TUBG2: variants seen among roughly 807,000 people sequenced by gnomAD.
The protein encoded by TUBG2 is tubulin gamma-2 chain.
In TUBG2, 39 loss-of-function variants were observed where a neutral mutation model predicts 55.1. The observed-to-expected ratio is 0.71, with a 90% CI of 0.55 to 0.93. The LOEUF (loss-of-function observed/expected upper bound fraction) is 0.93. Ranked by LOEUF, TUBG2 falls within the 40% of genes least tolerant of loss-of-function variation. The pLI is 0.00. For missense variants in TUBG2, 358 were observed against 599.1 expected (o/e 0.60, Z 4.20); for synonymous variants, 223 against 241.0 (o/e 0.93, Z 0.69).
At chr17:42,662,344 G>T (rs1348949642) in intron 4 of TUBG2, among the ~76,000 whole-genome samples, 2 of 152,100 alleles carry the variant, frequency 1.3e-5, no homozygotes, top group Admixed American at 6.5e-5. Context: ...GGTAGCTCAT[G>T]CTTGTAATCC....
rs985164179 is a variant in TUBG2, at chr17:42,666,813, C to G, written c.*13C>G. 3.1e-6 allele frequency: 5 copies of G among 1,613,804 alleles called. No homozygotes were observed. Among genetic ancestry groups the G allele is most frequent in the Non-Finnish European group, 3.4e-6 (4 of 1,179,874 alleles). ...CCAGGAGCAGTGATTTCCCTCCCCA[C>G]TACTCCTTCTCCTTCTAGATGGTAA... On this transcript the variant is annotated 3_prime_UTR_variant, in exon 11 of 11. Transcript: ENST00000251412.
Position 42,662,945 on chromosome 17 carries a change from G to A in TUBG2, c.400-28G>A, listed in dbSNP as rs2052423048. On this transcript the variant is annotated intron_variant, in intron 4 of 10. Coordinates refer to ENST00000251412, the MANE Select transcript of TUBG2 (RefSeq NM_016437.3). ...TTGTGAGAGTGTGGCAGGAGAAACT[G>A]AGTCTGTTTATTCCTGTATACACAC... 2.5e-6 allele frequency: 4 copies of A among 1,606,876 alleles called. No individual in the cohort carries two copies. The African/African-American group carries it at 4.0e-5, about 16-fold the overall frequency.
chr17:42,666,193 A>C lies in TUBG2; in HGVS notation c.950A>C (p.Tyr317Ser). 1.2e-6 allele frequency: 2 copies of C among 1,613,952 alleles called. No homozygotes were observed. The change falls in exon 9 of 11, where the codon TAC becomes TCC. Residue 317 changes from tyrosine to serine, a missense_variant. Tyr to Ser is a moderately radical substitution (Grantham distance 144). This residue lies in a region of TUBG2 where 129 missense variants were observed against 251.6 expected (regional missense o/e 0.51). Coordinates refer to ENST00000251412, the MANE Select transcript of TUBG2 (RefSeq NM_016437.3). Reference protein sequence around the residue: ...TGRDRQTNHCYIAILNIIQGE... With the variant: ...TGRDRQTNHCSIAILNIIQGE... ...CGAGACCGCCAGACCAACCACTGCTACATCGCCATCCTCAACATCATCCAG... is the reference window on the plus strand; with the variant it reads ...CGAGACCGCCAGACCAACCACTGCTCCATCGCCATCCTCAACATCATCCAG...
Position 42,666,788 on chromosome 17 carries a change from C to T in TUBG2, c.1344C>T (p.Thr448=), listed in dbSNP as rs1166461270. 6.2e-7 allele frequency: 1 copy of T among 1,613,898 alleles called. No individual in the cohort carries two copies. The highest frequency in any genetic ancestry group is 2.2e-5 in the East Asian group (1 of 44,880). ...AGCCAGACTACATTTCCTGGGGCAC[C>T]CAGGAGCAGTGATTTCCCTCCCCAC... ...ATQPDYISWG[T]QEQ Residue 448 remains threonine (T), a synonymous_variant, in exon 11 of 11, where the codon ACC becomes ACT. Transcript: ENST00000251412.
At chr17:42,659,715 C>A in intron 1 of TUBG2, 119 bp from the exon 2 acceptor site, 1 of 1,411,994 alleles carries the variant, frequency 7.1e-7, no homozygotes, top group Non-Finnish European at 9.7e-7. Context: ...GGGGCTGGGG[C>A]AGCTACCAAA....
In TUBG2 at chr17:42,663,506, G is replaced by A. The variant is rs1366475703; in HGVS notation, c.606+3G>A. The A allele has an allele frequency of 6.2e-7, 1 of 1,613,802 alleles. No individual in the cohort carries two copies. The highest frequency in any genetic ancestry group is 1.1e-5 in the South Asian group (1 of 91,072). ...TGACGCAGAACGCAGATTGTGTGGT[G>A]AGCAAAGAAAGAGTTGAGGGGCTGG... is the stretch of plus-strand genomic sequence containing the variant. On this transcript the variant is annotated splice_donor_region_variant and intron_variant, in intron 6 of 10. Coordinates refer to ENST00000251412, the MANE Select transcript of TUBG2 (RefSeq NM_016437.3).
At position 42,665,680 on chromosome 17, in the gene TUBG2, G is replaced by T; in HGVS notation, c.696G>T (p.Val232=). ...NPSFSQINQL[V]STIMSASTTT... ...TGACATGGCACGCCTGTCCCCAGGT[G>T]TCCACCATCATGTCGGCCAGCACCA... is the stretch of plus-strand genomic sequence containing the variant. Residue 232 remains valine, a splice_region_variant and synonymous_variant, in exon 8 of 11, where the codon GTG becomes GTT. Coordinates refer to ENST00000251412, the MANE Select transcript of TUBG2 (RefSeq NM_016437.3). 1 of 1,614,116 alleles carries T rather than the reference G, an allele frequency of 6.2e-7. No homozygotes were observed. Among genetic ancestry groups the T allele is most frequent in the Non-Finnish European group, 8.5e-7 (1 of 1,180,018 alleles).
At chr17:42,665,614 G>A (rs761165784) in intron 7 of TUBG2, 52 bp downstream of exon 7, 1 of 1,614,080 alleles carries the variant, frequency 6.2e-7, no homozygotes, top group Non-Finnish European at 8.5e-7. Flanking sequence ...CTTGCTGGAG[G>A]GTCATCTGGG....
chr17:42,663,494 A>C lies in TUBG2; in HGVS notation c.597A>C (p.Ala199=), dbSNP rs764850029. The C allele has an allele frequency of 3.7e-6, 6 of 1,613,894 alleles. No homozygotes were observed. The highest frequency in any genetic ancestry group is 5.1e-6 in the Non-Finnish European group (6 of 1,179,930). Residue 199 remains alanine, a synonymous_variant, in exon 6 of 11, where the codon GCA becomes GCC. Coordinates refer to ENST00000251412, the MANE Select transcript of TUBG2 (RefSeq NM_016437.3). The part of the protein sequence containing the change: ...LLTLKRLTQN[A]DCVVVLDNTA... ...CACTCAAGAGGCTGACGCAGAACGC[A>C]GATTGTGTGGTGAGCAAAGAAAGAG...
At chr17:42,663,105 A>T in intron 5 of TUBG2, 53 bp downstream of exon 5, 4 of 1,575,380 alleles carry the variant, frequency 2.5e-6, no homozygotes, top group African/African-American at 2.7e-5. Flanking sequence ...GAGTAATGTC[A>T]TTGCTTTTTT....
intron 6 of TUBG2, among the ~76,000 whole-genome samples, chr17:42,664,432 GT>G (rs1294985100): frequency 1.3e-5 from 2 of 151,984 alleles, no homozygotes; most frequent in Non-Finnish European, 2.9e-5. Context: ...TGACTTCTAA[GT>G]TTCTTAGAAT....
chr17:42,660,810 T>C, intron 4 of TUBG2, 103 bp downstream of exon 4: 2 of 911,506 alleles, frequency 2.2e-6, no homozygotes. Context: ...AGCAATTCAA[T>C]TCAAAACCCG....
chr17:42,661,077 A>G, intron 4 of TUBG2: 1 of 242,276 alleles, frequency 4.1e-6, no homozygotes, highest in East Asian at 8.6e-5. Flanking sequence ...ATCTCTCCCC[A>G]TGCTGGGTGC....
rs968062942 is a variant in TUBG2, at chr17:42,666,670, G to A, written c.1226G>A (p.Arg409His). 1.3e-5 allele frequency: 21 copies of A among 1,614,192 alleles called. No individual in the cohort carries two copies. Among genetic ancestry groups the A allele is most frequent in the South Asian group, 2.2e-5 (2 of 91,092 alleles). Reference protein sequence around the residue: ...RKRDAFLEQFRKEDMFKDNFD... With the variant: ...RKRDAFLEQFHKEDMFKDNFD... ...CGGGATGCCTTCCTCGAGCAGTTCC[G>A]TAAGGAGGACATGTTCAAGGACAAC... The change falls in exon 11 of 11, where the codon CGT becomes CAT. Residue 409 changes from arginine (R) to histidine (H), a missense_variant. Transcript: ENST00000251412.
chr17:42,663,065 T>C lies in TUBG2; in HGVS notation c.479+13T>C. 6.2e-7 allele frequency: 1 copy of C among 1,613,406 alleles called. No individual in the cohort carries two copies. The highest frequency in any genetic ancestry group is 8.5e-7 in the Non-Finnish European group (1 of 1,179,608). On this transcript the variant is annotated intron_variant, in intron 5 of 10. Transcript: ENST00000251412. ...GACTGAATGACAGGCAAGCCTGTGT[T>C]TGGGGAGAGGGCATTAACCCTGGTT...
intron 2 of TUBG2, 52 bp downstream of exon 2, chr17:42,659,998 G>A (rs749607142): frequency 2.0e-6 from 3 of 1,508,896 alleles, no homozygotes; most frequent in Non-Finnish European, 2.7e-6. Context: ...GGGCGGAAGG[G>A]AAGGGAGTGG....
At chr17:42,665,029 TTTTA>T (rs903276584) in intron 6 of TUBG2, among the ~76,000 whole-genome samples, 1 of 150,548 alleles carries the variant, frequency 6.6e-6, no homozygotes, top group African/African-American at 2.4e-5. Context: ...TTTTATTTTA[TTTTA>T]TTTATTTTAT....
At position 42,660,628 on chromosome 17, in the gene TUBG2, T is replaced by G; in HGVS notation, c.331-11T>G. On this transcript the variant is annotated splice_polypyrimidine_tract_variant and intron_variant, in intron 3 of 10. Transcript: ENST00000251412. ...TTTGGCCTGACCCTCCCTTTCCATATCTCTATACAGGGTGAGAAAATTCAT... is the reference window on the plus strand; with the variant it reads ...TTTGGCCTGACCCTCCCTTTCCATAGCTCTATACAGGGTGAGAAAATTCAT... 6.2e-7 allele frequency: 1 copy of G among 1,613,500 alleles called. No individual in the cohort carries two copies. The highest frequency in any genetic ancestry group is 8.5e-7 in the Non-Finnish European group (1 of 1,179,516).
intron 4 of TUBG2, among the ~76,000 whole-genome samples, chr17:42,661,897 G>A (rs2052394906): frequency 6.6e-6 from 1 of 152,202 alleles, no homozygotes; most frequent in Non-Finnish European, 1.5e-5. Flanking sequence ...GTTGGCATTG[G>A]AAGTGGGAGA....
Sources: gnomAD v4.1 joint callset for allele counts (sites outside exome capture counted in the v4.1 genomes callset) on GRCh38, gnomAD v4.1.1 for gene constraint, gnomAD v4.1.1 regional missense constraint, MANE v1.5 for transcripts, NCBI Gene and HGNC (gene_info 2026-07-23, HGNC 2026-07-21) for gene names.